Variants in ANKS1B observed in about 807,000 individuals in gnomAD.
ANKS1B encodes the protein ankyrin repeat and sterile alpha motif domain containing 1B.
A neutral mutation model predicts 148.3 loss-of-function variants in ANKS1B; 36 were observed. The ratio of observed to expected loss-of-function variants is 0.24; its 90% CI spans 0.19 to 0.32. The LOEUF is 0.32. Among genes scored for constraint, ANKS1B ranks in the 10% least tolerant of loss-of-function variants. The pLI is 1.00. For synonymous variants in ANKS1B, 542 were observed against 560.8 expected, an observed-to-expected ratio of 0.97 and a Z score of 0.47; for missense variants, 1,157 against 1,542.6, an observed-to-expected ratio of 0.75 and a Z score of 4.19.
chr12:99,418,724 T>C (rs1484567399), intron 11 of ANKS1B, among the ~76,000 whole-genome samples: 1 of 152,222 alleles, frequency 6.6e-6, no homozygotes, highest in African/African-American at 2.4e-5. Context: ...GCTTTGTTCC[T>C]AATCTTAGAA....
At chr12:99,530,732 A>T (rs898091102) in intron 9 of ANKS1B, among the ~76,000 whole-genome samples, 4 of 152,188 alleles carry the variant, frequency 2.6e-5, no homozygotes, top group Non-Finnish European at 5.9e-5. Context: ...CCTTTTCAGC[A>T]ACCCCATAGT....
chr12:99,221,264 C>T (rs749680034), intron 14 of ANKS1B, among the ~76,000 whole-genome samples: 13 of 152,060 alleles, frequency 8.5e-5, no homozygotes, highest in Non-Finnish European at 1.5e-4. Flanking sequence ...GGCGTGAACC[C>T]GGGAGGTGGA....
intron 17 of ANKS1B, among the ~76,000 whole-genome samples, chr12:99,007,427 G>C (rs2099936759): frequency 6.6e-6 from 1 of 152,086 alleles, no homozygotes; most frequent in Non-Finnish European, 1.5e-5. Flanking sequence ...GTTTATTGAG[G>C]AATCTGACCA....
chr12:99,296,082 T>A (rs902384346), intron 12 of ANKS1B, among the ~76,000 whole-genome samples: 1 of 152,100 alleles, frequency 6.6e-6, no homozygotes, highest in Admixed American at 6.6e-5. Context: ...TTCCAGAAAA[T>A]TTGTGGAAAA....
chr12:99,947,269 A>AAAC (rs1555260367), intron 1 of ANKS1B, among the ~76,000 whole-genome samples: 1 of 149,734 alleles, frequency 6.7e-6, no homozygotes, highest in African/African-American at 2.5e-5. Context: ...AAAAAAAAAA[A>AAAC]CAGAAAAGAA....
At chr12:99,521,026 C>G (rs985132562) in intron 9 of ANKS1B, among the ~76,000 whole-genome samples, 1 of 152,082 alleles carries the variant, frequency 6.6e-6, no homozygotes, top group Admixed American at 6.6e-5. Flanking sequence ...AACTCCCAAC[C>G]TCAGGTGATC....
chr12:99,716,114 TCTC>T (rs1168497336), intron 8 of ANKS1B, among the ~76,000 whole-genome samples: 8 of 151,996 alleles, frequency 5.3e-5, no homozygotes, highest in Admixed American at 2.6e-4. Context: ...CTCTACCCCT[TCTC>T]TGCTTTTCTG....
chr12:98,781,503 C>T (rs750200870), intron 23 of ANKS1B: 2 of 501,302 alleles, frequency 4.0e-6, no homozygotes, highest in Non-Finnish European at 7.7e-6. Flanking sequence ...TTTTCCCTGA[C>T]ACTAAAGGGT....
chr12:99,194,562 GATATTAAA>G (rs2081158863), intron 14 of ANKS1B, among the ~76,000 whole-genome samples: 1 of 151,996 alleles, frequency 6.6e-6, no homozygotes, highest in African/African-American at 2.4e-5. Context: ...AAAAGAAATG[GATATTAAA>G]ACTCTTAAGA....
chr12:98,773,205 T>C (rs756349950), intron 24 of ANKS1B, 26 bp from the exon 25 acceptor site: 12 of 1,585,888 alleles, frequency 7.6e-6, no homozygotes, highest in South Asian at 1.2e-5. Flanking sequence ...TAAATGATCA[T>C]TGTTTTCCTC....
intron 9 of ANKS1B, among the ~76,000 whole-genome samples, chr12:99,615,602 C>A (rs2097949627): frequency 1.3e-5 from 2 of 152,082 alleles, no homozygotes; most frequent in African/African-American, 4.8e-5. Context: ...CCCCTTCATG[C>A]TAAAAACTCC....
chr12:99,652,126 T>C (rs1277480387), intron 9 of ANKS1B, among the ~76,000 whole-genome samples: 1 of 151,486 alleles, frequency 6.6e-6, no homozygotes, highest in Non-Finnish European at 1.5e-5. Context: ...TGCTAAAGGA[T>C]AGCCCTTAAA....
chr12:99,275,391 G>T (rs896781677), intron 12 of ANKS1B, among the ~76,000 whole-genome samples: 2 of 151,996 alleles, frequency 1.3e-5, no homozygotes, highest in African/African-American at 4.8e-5. Flanking sequence ...CTATCTTCAT[G>T]AGTTCAATTG....
chr12:99,958,101 C>T (rs2095350546), intron 1 of ANKS1B, among the ~76,000 whole-genome samples: 3 of 152,132 alleles, frequency 2.0e-5, no homozygotes, highest in South Asian at 2.1e-4. Context: ...GAAGAGATGA[C>T]TATGCCAGAG....
chr12:99,723,008 T>G (rs1442547708), intron 8 of ANKS1B, among the ~76,000 whole-genome samples: 1 of 152,204 alleles, frequency 6.6e-6, no homozygotes, highest in Non-Finnish European at 1.5e-5. Flanking sequence ...TTCCACAGAC[T>G]GTGCAACCTC....
chr12:99,340,992 T>C (rs1435057273), intron 12 of ANKS1B: 1 of 152,182 alleles, frequency 6.6e-6, no homozygotes, highest in African/African-American at 2.4e-5. Flanking sequence ...CAAAATTTTA[T>C]CTATATCCAT....
intron 9 of ANKS1B, among the ~76,000 whole-genome samples, chr12:99,639,533 G>A (rs192078687): frequency 3.3e-5 from 5 of 152,176 alleles, no homozygotes; most frequent in Admixed American, 2.6e-4. Flanking sequence ...AAATCTCATC[G>A]TGGATTTTAG....
At chr12:98,794,322 G>T (rs1315386542) in intron 22 of ANKS1B, among the ~76,000 whole-genome samples, 1 of 148,350 alleles carries the variant, frequency 6.7e-6, no homozygotes, top group Non-Finnish European at 1.5e-5. Context: ...AACCCAGGAG[G>T]TGGAGGTTGC....
intron 17 of ANKS1B, among the ~76,000 whole-genome samples, chr12:98,887,356 TCA>T (rs546369167): frequency 4.0e-4 from 61 of 152,280 alleles, no homozygotes; most frequent in African/African-American, 1.3e-3. Flanking sequence ...CTGGAAGGGG[TCA>T]CAGCAGTGCA....
Sources: gnomAD v4.1 joint callset for allele counts (sites outside exome capture counted in the v4.1 genomes callset) on GRCh38, gnomAD v4.1.1 for gene constraint, MANE v1.5 for transcripts, NCBI Gene and HGNC (gene_info 2026-07-23, HGNC 2026-07-21) for gene names.